Variants in KDM5D observed in about 807,000 individuals in gnomAD.
KDM5D encodes the protein lysine demethylase 5D.
In KDM5D, 25 loss-of-function variants were observed where a neutral mutation model predicts 31.9. That is an observed-to-expected ratio of 0.78 (90% CI 0.57 to 1.09). The LOEUF (loss-of-function observed/expected upper bound fraction) is 1.09. Ranked by LOEUF, KDM5D falls within the 50% of genes least tolerant of loss-of-function variation. The pLI is 0.00. For missense variants in KDM5D, 366 were observed against 341.6 expected (o/e 1.07, Z -0.56); for synonymous variants, 146 against 122.3 (o/e 1.19, Z -1.28).
In KDM5D at chrY:19,735,718, A is replaced by G; in HGVS notation, c.690T>C (p.His230=). 1 of 395,979 alleles carries G rather than the reference A, an allele frequency of 2.5e-6. No individual in the cohort carries two copies. Among genetic ancestry groups the G allele is most frequent in the Non-Finnish European group, 3.6e-6 (1 of 281,020 alleles). ...PEPTEEDIEK[H]PELKKLQIYG... The stretch of plus-strand genomic sequence containing the variant: ...ATATCTGTAACTTCTTTAGCTCTGG[A>G]TGCTTCTCAATGTCCTCCTCTGTAG... Residue 230 remains histidine (H), a synonymous_variant, in exon 7 of 27, where the codon CAT becomes CAC. Transcript: ENST00000317961.
intron 11 of KDM5D, among the ~76,000 whole-genome samples, chrY:19,731,228 C>A (rs2124207357): frequency 9.0e-5 from 3 of 33,215 alleles, no homozygotes; most frequent in Admixed American, 8.2e-4. Context: ...TTACTTCAGG[C>A]ATTATTTTTT....
rs761066667 is a variant in KDM5D at position 19,709,648 on chromosome Y, C to A, written c.2745G>T (p.Ala915=). ...AHQLQQQVEQ[A]QWLDEVKQAL... ...CCTGCTTCACTTCATCTAGCCATTG[C>A]GCCTGCTCCACCTGCTGCTGAAGCT... The change falls in exon 20 of 27, where the codon GCG becomes GCT. Residue 915 remains alanine (A), a synonymous_variant. Transcript: ENST00000317961. 1 of 397,338 alleles carries A rather than the reference C, an allele frequency of 2.5e-6. No individual in the cohort carries two copies. Among genetic ancestry groups the A allele is most frequent in the Non-Finnish European group, 3.5e-6 (1 of 282,803 alleles).
chrY:19,738,044 G>A (rs2124217316), intron 6 of KDM5D, among the ~76,000 whole-genome samples: 1 of 32,753 alleles, frequency 3.1e-5, no homozygotes, highest in East Asian at 8.0e-4. Flanking sequence ...GGCTGTTCTC[G>A]AACTGCAGAC....
At chrY:19,720,262 T>C (rs2045382884) in intron 13 of KDM5D, among the ~76,000 whole-genome samples, 1 of 33,058 alleles carries the variant, frequency 3.0e-5, no homozygotes, top group Non-Finnish European at 7.4e-5. Context: ...TTAGAATTCA[T>C]AAAATGTATA....
At chrY:19,744,593 G>T (rs2045585563) in intron 1 of KDM5D, 40 bp from the exon 2 acceptor site, 1 of 271,996 alleles carries the variant, frequency 3.7e-6, no homozygotes, top group Non-Finnish European at 5.5e-6. Context: ...TGACGCGCTG[G>T]TTCCTCCTAC....
intron 11 of KDM5D, among the ~76,000 whole-genome samples, chrY:19,728,934 G>A (rs2124204382): frequency 3.1e-5 from 1 of 32,183 alleles, no homozygotes; most frequent in East Asian, 8.3e-4. Flanking sequence ...GTATTAGGCC[G>A]GGTACCGTGG....
intron 3 of KDM5D, among the ~76,000 whole-genome samples, chrY:19,742,549 G>T: frequency 2.9e-5 from 1 of 34,420 alleles, no homozygotes; most frequent in Non-Finnish European, 7.3e-5. Context: ...GTCACACTGG[G>T]TGCAGGGGCT....
chrY:19,730,646 C>T, intron 11 of KDM5D, among the ~76,000 whole-genome samples: 1 of 32,431 alleles, frequency 3.1e-5, no homozygotes, highest in South Asian at 6.6e-4. Flanking sequence ...CTCAGCTACA[C>T]ATCTCTTAAC....
chrY:19,712,332 A>G (rs749000213), intron 18 of KDM5D, among the ~76,000 whole-genome samples: 2 of 33,747 alleles, frequency 5.9e-5, no homozygotes, highest in South Asian at 6.6e-4. Flanking sequence ...CTGTAAGATT[A>G]TAACAGTACT....
intron 6 of KDM5D, among the ~76,000 whole-genome samples, chrY:19,736,764 A>T: frequency 3.0e-5 from 1 of 32,926 alleles, no homozygotes; most frequent in Non-Finnish European, 7.4e-5. Context: ...TTTACCATAT[A>T]AACCAAACAA....
At chrY:19,741,905 T>C in intron 3 of KDM5D, 48 bp from the exon 4 acceptor site, 1 of 317,800 alleles carries the variant, frequency 3.1e-6, no homozygotes, top group South Asian at 3.7e-5. Flanking sequence ...TTAACCTGAC[T>C]TCATCGAGTA....
intron 18 of KDM5D, among the ~76,000 whole-genome samples, chrY:19,713,478 G>A (rs2045313407): frequency 3.0e-5 from 1 of 33,487 alleles, no homozygotes; most frequent in Non-Finnish European, 7.4e-5. Flanking sequence ...ATTACAAAGT[G>A]GGCAAAGGAC....
At chrY:19,719,333 T>C (rs1040104699) in intron 13 of KDM5D, among the ~76,000 whole-genome samples, 3 of 33,089 alleles carry the variant, frequency 9.1e-5, no homozygotes, top group Non-Finnish European at 2.2e-4. Flanking sequence ...ATAATGTCCC[T>C]CCAAATAAGA....
chrY:19,729,165 A>G, intron 11 of KDM5D, among the ~76,000 whole-genome samples: 1 of 32,799 alleles, frequency 3.0e-5, no homozygotes, highest in Non-Finnish European at 7.5e-5. Flanking sequence ...CAGTGAGGGA[A>G]GATCATGCCA....
chrY:19,728,597 A>C, intron 11 of KDM5D, among the ~76,000 whole-genome samples: 1 of 32,553 alleles, frequency 3.1e-5, no homozygotes, highest in Non-Finnish European at 7.5e-5. Flanking sequence ...TGACCTCGTG[A>C]TCCACCTGCC....
chrY:19,721,750 GA>G (rs2045396994), intron 11 of KDM5D: 1 of 32,308 alleles, frequency 3.1e-5, no homozygotes, highest in Non-Finnish European at 7.5e-5. Context: ...AAAATTATCT[GA>G]AAAAAACAAA....
At chrY:19,729,931 G>A in intron 11 of KDM5D, among the ~76,000 whole-genome samples, 2 of 33,395 alleles carry the variant, frequency 6.0e-5, no homozygotes, top group African/African-American at 1.2e-4. Context: ...ACAATTCAGA[G>A]TATCGTTCAA....
intron 7 of KDM5D, 23 bp downstream of exon 7, chrY:19,735,598 C>T: frequency 2.5e-6 from 1 of 397,377 alleles, no homozygotes; most frequent in Non-Finnish European, 3.5e-6. Context: ...CTCACACTTC[C>T]CCAATCTGTT....
chrY:19,709,874 C>A (rs2045283593), intron 19 of KDM5D, 65 bp from the exon 20 acceptor site: 1 of 376,816 alleles, frequency 2.7e-6, no homozygotes, highest in South Asian at 3.2e-5. Flanking sequence ...CCTAGATTTG[C>A]TCCACTTCTC....
Sources: allele counts gnomAD v4.1 joint callset (sites outside exome capture counted in the v4.1 genomes callset), GRCh38; gene constraint gnomAD v4.1.1; transcripts MANE v1.5; gene names NCBI Gene and HGNC (gene_info 2026-07-23, HGNC 2026-07-21).